UBE2V1: variants seen among roughly 807,000 people sequenced by gnomAD.
UBE2V1 encodes the protein ubiquitin-conjugating enzyme E2 variant 1.
A neutral mutation model predicts 19.6 loss-of-function variants in UBE2V1; 15 were observed. The ratio of observed to expected loss-of-function variants is 0.77; its 90% confidence interval spans 0.51 to 1.18. The LOEUF is 1.18. Ranked by LOEUF, UBE2V1 falls within the 50% of genes most tolerant of loss-of-function variation. UBE2V1 has a pLI of 0.00. For synonymous variants in UBE2V1, 60 were observed against 60.7 expected (o/e 0.99, Z 0.05); for missense variants, 125 against 184.8 (o/e 0.68, Z 1.88).
At chr20:50,086,347 C>A (rs1269963617) in intron 2 of UBE2V1, among the ~76,000 whole-genome samples, 4 of 152,102 alleles carry the variant, frequency 2.6e-5, no homozygotes, top group African/African-American at 9.7e-5. Flanking sequence ...AGGGTGGGGG[C>A]CTTGACAGGG....
intron 1 of UBE2V1, among the ~76,000 whole-genome samples, chr20:50,103,473 T>C (rs1475020140): frequency 6.6e-6 from 1 of 152,152 alleles, no homozygotes; most frequent in Non-Finnish European, 1.5e-5. Context: ...TGGTGTGATT[T>C]TGGCTCGCTG....
At position 50,082,975 on chromosome 20, in the gene UBE2V1, C is replaced by T. The variant is rs139538798; in HGVS notation, c.298-61G>A. On this transcript the variant is annotated intron_variant, in intron 3 of 3. Transcript: ENST00000371674. ...ACTCTCAAACAAAATAGCTATATGC[C>T]GGGGTTAAGCTAAGGTGCAAACTGG... 4.8e-5 allele frequency: 76 copies of T among 1,587,776 alleles called. No individual in the cohort carries two copies. The Admixed American group carries it at 8.3e-4, about 17-fold the overall frequency.
intron 1 of UBE2V1, chr20:50,104,424 G>C (rs1421670050): frequency 1.2e-6 from 1 of 840,060 alleles, no homozygotes; most frequent in African/African-American, 1.8e-5. Context: ...TTGGGAGGCC[G>C]AGGCGGGCGG....
At chr20:50,104,298 A>G (rs1392089292) in intron 1 of UBE2V1, 19 of 978,300 alleles carry the variant, frequency 1.9e-5, no homozygotes, top group Non-Finnish European at 3.6e-6. Flanking sequence ...AAAAAAAAAA[A>G]GGCAGTATTT....
At chr20:50,084,439 G>A (rs1158513587) in intron 2 of UBE2V1, 185 bp from the exon 3 acceptor site, 5 of 1,032,998 alleles carry the variant, frequency 4.8e-6, no homozygotes, top group South Asian at 2.6e-5. Context: ...TATGACTTCC[G>A]GGCCTTGGGG....
rs773441174 is a variant in UBE2V1, at chr20:50,090,673, G to A, written c.171+5999C>T. On this transcript the variant is annotated intron_variant, in intron 2 of 3. Coordinates refer to ENST00000371674, the MANE Select transcript of UBE2V1 (RefSeq NM_001032288.3). ...GGACCAGGGTGTAAGGGGAGATACT[G>A]GTCAAAGGGCACAAACTTTCAGTTA... 2.0e-5 allele frequency among the ~76,000 whole-genome samples: 3 copies of A among 152,128 alleles called. No individual in the cohort carries two copies. The East Asian group carries it at 5.8e-4, about 29-fold the overall frequency.
At chr20:50,101,571 C>CAAAAAAA (rs11481618) in intron 1 of UBE2V1, among the ~76,000 whole-genome samples, 6 of 71,188 alleles carry the variant, frequency 8.4e-5, no homozygotes, top group African/African-American at 1.9e-4. Flanking sequence ...CATTTATAAG[C>CAAAAAAA]AAAAAAAAAA....
intron 1 of UBE2V1, among the ~76,000 whole-genome samples, chr20:50,104,900 T>C (rs1438052873): frequency 1.3e-5 from 2 of 151,910 alleles, no homozygotes; most frequent in African/African-American, 2.4e-5. Flanking sequence ...TTAATTCTCA[T>C]ATGTTTAGTA....
At chr20:50,109,793 G>C (rs2080633265) in intron 1 of UBE2V1, among the ~76,000 whole-genome samples, 1 of 148,490 alleles carries the variant, frequency 6.7e-6, no homozygotes, top group Non-Finnish European at 1.5e-5. Context: ...AACAAAGCCA[G>C]TTTCCCCTCC....
chr20:50,100,745 A>G (rs1371095423), intron 1 of UBE2V1, among the ~76,000 whole-genome samples: 2 of 152,242 alleles, frequency 1.3e-5, no homozygotes, highest in Non-Finnish European at 2.9e-5. Context: ...TTCTTATGTC[A>G]GGTATTTAAA....
At chr20:50,099,191 C>T (rs999580177) in intron 1 of UBE2V1, among the ~76,000 whole-genome samples, 3 of 145,472 alleles carry the variant, frequency 2.1e-5, no homozygotes, top group African/African-American at 8.3e-5. Context: ...GGTACTTGTT[C>T]ACAGATCGTG....
chr20:50,114,140 T>C (rs1179943474), upstream of UBE2V1, among the ~76,000 whole-genome samples: 4 of 152,186 alleles, frequency 2.6e-5, no homozygotes. Context: ...ACTCCTCCTT[T>C]ATTATAAATT....
At chr20:50,093,749 T>G (rs1260619697) in intron 2 of UBE2V1, among the ~76,000 whole-genome samples, 1 of 151,868 alleles carries the variant, frequency 6.6e-6, no homozygotes, top group African/African-American at 2.4e-5. Context: ...TCCAGCACTT[T>G]GGGAGGCCGA....
intron 1 of UBE2V1, among the ~76,000 whole-genome samples, chr20:50,101,347 C>T (rs2079972423): frequency 6.6e-6 from 1 of 151,648 alleles, no homozygotes; most frequent in Admixed American, 6.6e-5. Context: ...TTCATTTGAA[C>T]AGCAGTTCTC....
intron 2 of UBE2V1, chr20:50,096,431 T>C: frequency 1.0e-6 from 1 of 962,750 alleles, no homozygotes. Flanking sequence ...CACCTCACTG[T>C]CTACATTGTC....
intron 1 of UBE2V1, among the ~76,000 whole-genome samples, chr20:50,106,582 A>G (rs2080371007): frequency 6.6e-6 from 1 of 151,978 alleles, no homozygotes; most frequent in South Asian, 2.1e-4. Context: ...TGTAATCCCA[A>G]CACTTTGGGA....
chr20:50,084,362 T>C, intron 2 of UBE2V1, 108 bp from the exon 3 acceptor site: 1 of 1,590,564 alleles, frequency 6.3e-7, no homozygotes, highest in Non-Finnish European at 8.6e-7. Flanking sequence ...GTACATCTGC[T>C]TCCAGCATGG....
At chr20:50,085,197 G>A (rs545899444) in intron 2 of UBE2V1, among the ~76,000 whole-genome samples, 15 of 152,114 alleles carry the variant, frequency 9.9e-5, no homozygotes, top group African/African-American at 3.4e-4. Flanking sequence ...GCCAAAAACC[G>A]TCCTTCTTTA....
intron 1 of UBE2V1, chr20:50,111,462 G>T: frequency 1.0e-6 from 1 of 1,000,340 alleles, no homozygotes; most frequent in Non-Finnish European, 1.2e-6. Flanking sequence ...TGTTATTCTG[G>T]TGAGAAGTTT....
Sources: allele counts gnomAD v4.1 joint callset (sites outside exome capture counted in the v4.1 genomes callset), GRCh38; gene constraint gnomAD v4.1.1; transcripts MANE v1.5; gene names NCBI Gene and HGNC (gene_info 2026-07-23, HGNC 2026-07-21).